Variants in COMMD10 observed in about 807,000 individuals in gnomAD.
The protein encoded by COMMD10 is COMM domain containing 10.
In COMMD10, 33 loss-of-function variants were observed where a neutral mutation model predicts 28.9. The observed-to-expected ratio is 1.14, with a 90% CI of 0.87 to 1.53. The LOEUF is 1.53. COMMD10 is among the 40% of genes most tolerant of loss of function. The pLI is 0.00. For missense variants in COMMD10, 310 were observed against 233.4 expected (o/e 1.33, Z -2.14); for synonymous variants, 110 against 81.7 (o/e 1.35, Z -1.87).
chr5:116,167,558 T>A (rs1441372176), intron 5 of COMMD10, among the ~76,000 whole-genome samples: 1 of 151,778 alleles, frequency 6.6e-6, no homozygotes, highest in Admixed American at 6.6e-5. Flanking sequence ...TTCACCAAGG[T>A]GGACATGACG....
At position 116,292,571 on chromosome 5, in the gene COMMD10, C is replaced by G. The variant is rs377083668; in HGVS notation, c.*82C>G. 9.0e-5 allele frequency: 108 copies of G among 1,194,546 alleles called. No individual in the cohort carries two copies. The highest frequency in any genetic ancestry group is 1.2e-4 in the Non-Finnish European group (103 of 842,622). 74.0% of individuals were successfully genotyped at this position (1,194,546 alleles called of 1,614,324 possible). On this transcript the variant is annotated 3_prime_UTR_variant, in exon 7 of 7. Coordinates refer to ENST00000274458, the MANE Select transcript of COMMD10 (RefSeq NM_016144.4). The stretch of plus-strand genomic sequence containing the variant: ...AAGATACATTGCCAGGTTGTGTTTT[C>G]TGAAGGATTCAGTGACTTGCTTTCT...
At chr5:116,284,712 C>A (rs767835152) in intron 5 of COMMD10, among the ~76,000 whole-genome samples, 1 of 151,862 alleles carries the variant, frequency 6.6e-6, no homozygotes, top group African/African-American at 2.4e-5. Context: ...CTACTGATAA[C>A]TAAGATGACA....
chr5:116,269,234 T>G (rs1353131607), intron 5 of COMMD10, among the ~76,000 whole-genome samples: 6 of 151,902 alleles, frequency 3.9e-5, no homozygotes, highest in Admixed American at 2.0e-4. Flanking sequence ...ATTATACACT[T>G]TATTTCAAAG....
intron 4 of COMMD10, among the ~76,000 whole-genome samples, chr5:116,118,701 G>A (rs1194894286): frequency 1.3e-5 from 2 of 151,568 alleles, no homozygotes; most frequent in African/African-American, 4.9e-5. Context: ...CTCTTTAAAA[G>A]TGAAAATATA....
At chr5:116,254,129 G>A (rs1056182036) in intron 5 of COMMD10, among the ~76,000 whole-genome samples, 12 of 151,912 alleles carry the variant, frequency 7.9e-5, no homozygotes, top group East Asian at 7.7e-4. Context: ...TATTTCTGTG[G>A]GATCGGTGGT....
At chr5:116,123,975 T>C (rs1161376547) in intron 4 of COMMD10, among the ~76,000 whole-genome samples, 5 of 152,090 alleles carry the variant, frequency 3.3e-5, no homozygotes, top group African/African-American at 7.2e-5. Context: ...TTTATTAATC[T>C]TGCCAGCAGT....
intron 4 of COMMD10, among the ~76,000 whole-genome samples, chr5:116,130,914 T>G (rs937642698): frequency 1.3e-5 from 2 of 152,044 alleles, no homozygotes; most frequent in Non-Finnish European, 2.9e-5. Flanking sequence ...GTTTGTAGTT[T>G]TAAAATCAAA....
At chr5:116,276,206 A>T (rs1045282234) in intron 5 of COMMD10, among the ~76,000 whole-genome samples, 2 of 151,676 alleles carry the variant, frequency 1.3e-5, no homozygotes, top group Non-Finnish European at 2.9e-5. Context: ...ATTAATTTCA[A>T]ATAAAATATA....
intron 4 of COMMD10, among the ~76,000 whole-genome samples, chr5:116,106,396 A>T (rs1011029580): frequency 6.6e-6 from 1 of 152,128 alleles, no homozygotes; most frequent in Non-Finnish European, 1.5e-5. Flanking sequence ...GGAGTGTTTT[A>T]CTTCCAATTA....
intron 5 of COMMD10, among the ~76,000 whole-genome samples, chr5:116,276,343 C>G (rs1750912478): frequency 6.6e-6 from 1 of 151,684 alleles, no homozygotes; most frequent in Non-Finnish European, 1.5e-5. Flanking sequence ...ACCTCCACCT[C>G]CCAGGTTCAA....
chr5:116,212,717 A>T (rs1388993848), intron 5 of COMMD10, among the ~76,000 whole-genome samples: 4 of 152,142 alleles, frequency 2.6e-5, no homozygotes, highest in African/African-American at 9.7e-5. Context: ...TAAGAAAACT[A>T]GCTGGATTTT....
chr5:116,208,914 A>G (rs1475493544), intron 5 of COMMD10, among the ~76,000 whole-genome samples: 1 of 152,156 alleles, frequency 6.6e-6, no homozygotes, highest in Non-Finnish European at 1.5e-5. Flanking sequence ...ATCCATTGTA[A>G]TTATAGTTCG....
chr5:116,256,427 A>C (rs776981581), intron 5 of COMMD10, among the ~76,000 whole-genome samples: 3 of 151,738 alleles, frequency 2.0e-5, no homozygotes, highest in Non-Finnish European at 4.4e-5. Flanking sequence ...AACTCCTTGT[A>C]TTTTGGGTGC....
At chr5:116,135,570 C>T (rs1442019179) in intron 5 of COMMD10, among the ~76,000 whole-genome samples, 2 of 152,074 alleles carry the variant, frequency 1.3e-5, no homozygotes, top group African/African-American at 2.4e-5. Flanking sequence ...TTCAGTTACC[C>T]GCGGTCAACT....
chr5:116,271,560 A>C (rs948980327), intron 5 of COMMD10, among the ~76,000 whole-genome samples: 1 of 151,670 alleles, frequency 6.6e-6, no homozygotes, highest in African/African-American at 2.4e-5. Context: ...CATGACGACT[A>C]ATGTGGTTTT....
At chr5:116,156,367 C>T (rs1030735629) in intron 5 of COMMD10, among the ~76,000 whole-genome samples, 39 of 152,208 alleles carry the variant, frequency 2.6e-4, no homozygotes, top group African/African-American at 7.9e-4. Flanking sequence ...GTAGGTGCCT[C>T]ACAAGGTTTT....
chr5:116,230,023 A>C lies in COMMD10; in HGVS notation c.511-61494A>C, dbSNP rs374143817. 2.0e-5 allele frequency among the ~76,000 whole-genome samples: 3 copies of C among 152,114 alleles called. No homozygotes were observed. The South Asian group carries it at 6.2e-4, about 32-fold the overall frequency. On this transcript the variant is annotated intron_variant, in intron 5 of 6. Transcript: ENST00000274458. Reference sequence around the variant, plus strand: ...TTAATGATTCAATCAATTGAGTATAAACTTTATTAGGTTTTGTTCACTATT... The same window carrying C: ...TTAATGATTCAATCAATTGAGTATACACTTTATTAGGTTTTGTTCACTATT...
chr5:116,178,791 G>C (rs1354085688), intron 5 of COMMD10, among the ~76,000 whole-genome samples: 1 of 152,094 alleles, frequency 6.6e-6, no homozygotes, highest in African/African-American at 2.4e-5. Context: ...TTAATGCCCT[G>C]ATTTATTCTC....
At chr5:116,212,496 CTGTGTGTGTG>C (rs11268771) in intron 5 of COMMD10, among the ~76,000 whole-genome samples, 1 of 63,794 alleles carries the variant, frequency 1.6e-5, no homozygotes. Context: ...TACTGAAATG[CTGTGTGTGTG>C]TGTGTGTGTG....
Sources: gnomAD v4.1 joint callset for allele counts (sites outside exome capture counted in the v4.1 genomes callset) on GRCh38, gnomAD v4.1.1 for gene constraint, MANE v1.5 for transcripts, NCBI Gene and HGNC (gene_info 2026-07-23, HGNC 2026-07-21) for gene names.